Variants in RBFOX3 observed in about 807,000 individuals in gnomAD.
RBFOX3 encodes the protein RNA binding fox-1 homolog 3.
RBFOX3 carries 17 observed loss-of-function variants against 48.7 expected under a neutral mutation model. That is an observed-to-expected ratio of 0.35 (90% CI 0.24 to 0.52). The LOEUF is 0.52. Among genes scored for constraint, RBFOX3 ranks in the 20% least tolerant of loss-of-function variants. The pLI is 0.94. For synonymous variants in RBFOX3, 212 were observed against 209.5 expected (o/e 1.01, Z -0.10); for missense variants, 382 against 497.5 (o/e 0.77, Z 2.21).
At chr17:79,654,470 C>T in the RBFOX3 span, among the ~76,000 whole-genome samples, 1 of 152,210 alleles carries the variant, frequency 6.6e-6, no homozygotes, top group African/African-American at 2.4e-5. Context: ...GTCTAAAAGA[C>T]TCAGCCCATG....
intron 5 of RBFOX3, among the ~76,000 whole-genome samples, chr17:79,108,765 G>T (rs1182762755): frequency 6.6e-6 from 1 of 152,254 alleles, no homozygotes; most frequent in Non-Finnish European, 1.5e-5. Context: ...GCCGCTAGGT[G>T]ACCAGAGGGG....
intron 3 of RBFOX3, among the ~76,000 whole-genome samples, chr17:79,290,440 T>C (rs1423998003): frequency 6.6e-6 from 1 of 151,798 alleles, no homozygotes; most frequent in East Asian, 1.9e-4. Flanking sequence ...GCTGTGACGG[T>C]GTCATGGGCT....
intron 4 of RBFOX3, among the ~76,000 whole-genome samples, chr17:79,125,442 G>A (rs1164628509): frequency 1.3e-5 from 2 of 152,250 alleles, no homozygotes; most frequent in Non-Finnish European, 2.9e-5. Context: ...GTCTGCCCAC[G>A]TCGCTGGCCC....
chr17:79,564,139 G>A (rs1038718102), intron 1 of RBFOX3, among the ~76,000 whole-genome samples: 2 of 152,344 alleles, frequency 1.3e-5, no homozygotes, highest in East Asian at 3.9e-4. Context: ...AATCAGGCAA[G>A]GTGGCTTCTG....
At chr17:79,146,964 G>A (rs1381348384) in intron 4 of RBFOX3, among the ~76,000 whole-genome samples, 1 of 152,210 alleles carries the variant, frequency 6.6e-6, no homozygotes. Flanking sequence ...CGGGCCCCCT[G>A]CCTGCCTCCT....
In RBFOX3 at chr17:79,402,379, T is replaced by C. The variant is rs111839897; in HGVS notation, c.-175+80075A>G. 3.9e-3 allele frequency among the ~76,000 whole-genome samples: 600 copies of C among 152,324 alleles called. 4 individuals carry two copies. Among genetic ancestry groups the C allele is most frequent in the African/African-American group, 0.014 (580 of 41,568 alleles). ...CAGCAGGTGCAAATGAATTCTCCAC[T>C]GTTTTAAGGAGTGATTGGCCCAGGA... On this transcript the variant is annotated intron_variant, in intron 2 of 14. Coordinates refer to ENST00000693108, the MANE Select transcript of RBFOX3 (RefSeq NM_001350451.2).
At chr17:79,118,506 G>A (rs924799934) in intron 4 of RBFOX3, among the ~76,000 whole-genome samples, 45 of 152,104 alleles carry the variant, frequency 3.0e-4, no homozygotes, top group African/African-American at 1.1e-3. Context: ...ACCCAGGATG[G>A]CCAGAGGCAA....
In RBFOX3 at chr17:79,452,115, G is replaced by T. The variant is rs977518749; in HGVS notation, c.-175+30339C>A. ...GGTTGAAATTAAGGAGAAGGAAGTT[G>T]CTGGAAGGCATGGGGCAGACGGAAG... On this transcript the variant is annotated intron_variant, in intron 2 of 14. Transcript: ENST00000693108. 2.0e-5 allele frequency among the ~76,000 whole-genome samples: 3 copies of T among 152,220 alleles called. No homozygotes were observed. The East Asian group carries it at 5.8e-4, about 29-fold the overall frequency.
At chr17:79,458,139 G>A (rs904153903) in intron 2 of RBFOX3, among the ~76,000 whole-genome samples, 28 of 152,356 alleles carry the variant, frequency 1.8e-4, no homozygotes, top group Admixed American at 1.6e-3. Context: ...GGAGAGGTCC[G>A]TCTGCCAGGC....
Position 79,205,751 on chromosome 17 carries a change from G to A in RBFOX3, c.-34+30015C>T, listed in dbSNP as rs1372303578. Among the ~76,000 whole-genome samples the A allele has an allele frequency of 2.6e-5, 4 of 151,892 alleles. No individual in the cohort carries two copies. The highest frequency in any genetic ancestry group is 2.1e-4 in the South Asian group (1 of 4,816). ...AGTGTTGTATTTACTGGAATAGCTC[G>A]ACAGAGCCTCTATTACTTGGTATAT... is the stretch of plus-strand genomic sequence containing the variant. On this transcript the variant is annotated intron_variant, in intron 4 of 14. Transcript: ENST00000693108. The surrounding 1 kb of genome is among the most constrained non-coding windows in gnomAD (Gnocchi z 4.5).
intron 5 of RBFOX3, among the ~76,000 whole-genome samples, chr17:79,110,982 A>G (rs1266833379): frequency 6.6e-6 from 1 of 152,246 alleles, no homozygotes; most frequent in East Asian, 1.9e-4. Flanking sequence ...GTGAGAGCCA[A>G]GAACACAGTG....
chr17:79,227,420 ATTGT>A (rs1274557906), intron 4 of RBFOX3, among the ~76,000 whole-genome samples: 1 of 152,074 alleles, frequency 6.6e-6, no homozygotes, highest in African/African-American at 2.4e-5. Context: ...GGGGGTGAGT[ATTGT>A]TTGAGCATCA....
intron 5 of RBFOX3, among the ~76,000 whole-genome samples, chr17:79,112,566 T>C (rs888777130): frequency 1.3e-5 from 2 of 152,082 alleles, no homozygotes; most frequent in African/African-American, 4.8e-5. Flanking sequence ...CAGGGGCCAC[T>C]GCTCTCTCCC....
chr17:79,555,464 T>G (rs2091605981), intron 1 of RBFOX3, among the ~76,000 whole-genome samples: 2 of 140,750 alleles, frequency 1.4e-5, no homozygotes, highest in African/African-American at 3.1e-5. Flanking sequence ...GTGATGATGA[T>G]GATGACAATG....
chr17:79,572,434 C>T (rs1357590581), intron 1 of RBFOX3, among the ~76,000 whole-genome samples: 3 of 152,108 alleles, frequency 2.0e-5, no homozygotes, highest in African/African-American at 7.2e-5. Flanking sequence ...ACCATGCACA[C>T]CCATGGATGA....
chr17:79,294,641 G>C (rs111775858), intron 3 of RBFOX3, among the ~76,000 whole-genome samples: 8 of 152,210 alleles, frequency 5.3e-5, no homozygotes, highest in African/African-American at 1.9e-4. Context: ...GATGCGGAAT[G>C]GGGGAAGGCA....
At chr17:79,398,395 G>A (rs1249061232) in intron 2 of RBFOX3, among the ~76,000 whole-genome samples, 4 of 152,224 alleles carry the variant, frequency 2.6e-5, no homozygotes, top group Non-Finnish European at 5.9e-5. Flanking sequence ...ACTATGGGAT[G>A]TGAACTGGCG....
chr17:79,388,001 C>CGT (rs74638654), intron 2 of RBFOX3, among the ~76,000 whole-genome samples: 2,980 of 151,360 alleles, frequency 0.02, 73 homozygotes, highest in East Asian at 0.11. Context: ...TGAATGTGTA[C>CGT]GTGTGTGTGT....
intron 2 of RBFOX3, among the ~76,000 whole-genome samples, chr17:79,334,749 C>T (rs560106967): frequency 4.6e-5 from 7 of 152,184 alleles, no homozygotes; most frequent in Non-Finnish European, 8.8e-5. Context: ...TCAGTTTCCT[C>T]GTCTGCCACA....
Sources: allele counts gnomAD v4.1 joint callset (sites outside exome capture counted in the v4.1 genomes callset), GRCh38; gene constraint gnomAD v4.1.1; non-coding constraint Gnocchi (gnomAD v3.1); transcripts MANE v1.5; gene names NCBI Gene and HGNC (gene_info 2026-07-23, HGNC 2026-07-21).